The following OTOG variants were observed in gnomAD, a reference collection of about 807,000 sequenced individuals.
The protein encoded by OTOG is otogelin.
Under a neutral mutation model 313.8 loss-of-function variants are expected in OTOG, and 296 were observed. That is an observed-to-expected ratio of 0.94 (90% confidence interval 0.86 to 1.04). The LOEUF is 1.04. OTOG is among the 50% of genes least tolerant of loss of function. OTOG has a pLI of 0.00. For missense variants in OTOG, 3,948 were observed against 3,840.1 expected (o/e 1.03, Z -0.74); for synonymous variants, 1,533 against 1,554.9 (o/e 0.99, Z 0.33).
chr11:17,575,486 G>T (rs1176495872), intron 20 of OTOG, among the ~76,000 whole-genome samples: 1 of 152,154 alleles, frequency 6.6e-6, no homozygotes, highest in East Asian at 1.9e-4. Flanking sequence ...GAGGAAGGGG[G>T]CTCCAGGAAG....
chr11:17,640,611 G>T, intron 49 of OTOG, 134 bp from the exon 50 acceptor site: 1 of 926,266 alleles, frequency 1.1e-6, no homozygotes, highest in Admixed American at 2.6e-5. Context: ...CTGCTGAGGG[G>T]CCCCAGGCCT....
At chr11:17,561,860 C>T (rs1422904936) in intron 15 of OTOG, 53 bp downstream of exon 15, 3 of 1,543,200 alleles carry the variant, frequency 1.9e-6, no homozygotes, top group East Asian at 4.9e-5. Flanking sequence ...CTGCCTACTG[C>T]CCCCAAGAGA....
chr11:17,605,654 C>T (rs558704191), intron 32 of OTOG, among the ~76,000 whole-genome samples: 2 of 152,184 alleles, frequency 1.3e-5, no homozygotes, highest in Admixed American at 6.5e-5. Context: ...TAAGCCTCCG[C>T]TCGCCCTCAG....
intron 4 of OTOG, among the ~76,000 whole-genome samples, chr11:17,552,639 G>T (rs1040200091): frequency 5.2e-5 from 2 of 38,274 alleles, no homozygotes; most frequent in East Asian, 5.7e-4. Flanking sequence ...TCCTTTCCTC[G>T]CTGCCCTCTG....
intron 5 of OTOG, 57 bp downstream of exon 5, chr11:17,553,268 G>T: frequency 2.6e-6 from 4 of 1,535,518 alleles, no homozygotes; most frequent in South Asian, 1.2e-5. Flanking sequence ...GGAAAGCTAG[G>T]GAGAAAGGGA....
chr11:17,551,336 C>A (rs749486629), intron 3 of OTOG, among the ~76,000 whole-genome samples: 1 of 152,096 alleles, frequency 6.6e-6, no homozygotes, highest in African/African-American at 2.4e-5. Flanking sequence ...TGATTTCAGG[C>A]GGTTTATGTC....
chr11:17,619,849 C>T (rs1004993624), intron 39 of OTOG, among the ~76,000 whole-genome samples: 1 of 152,022 alleles, frequency 6.6e-6, no homozygotes, highest in Non-Finnish European at 1.5e-5. Context: ...GCTTTTTATT[C>T]CTTTGTGTAA....
At chr11:17,586,657 A>C in intron 24 of OTOG, 76 bp downstream of exon 24, 1 of 663,376 alleles carries the variant, frequency 1.5e-6, no homozygotes, top group East Asian at 3.4e-5. Context: ...TCAAGAGTAT[A>C]GTCTAGCATT....
In OTOG at chr11:17,557,134, G is replaced by T. The variant is rs564538415; in HGVS notation, c.676G>T (p.Val226Phe). Residue 226 changes from valine to phenylalanine, a missense_variant, in exon 8 of 56, where the codon GTC (valine) becomes TTC (phenylalanine). Physicochemically the swap from Val to Phe is conservative, Grantham distance 50 (BLOSUM62 -1). Coordinates refer to ENST00000399397, the MANE Select transcript of OTOG (RefSeq NM_001292063.2). ...HGGMRVQLPH[V>F]MGSARLQQLA... The stretch of plus-strand genomic sequence containing the variant: ...GCCCTGCAGGGTCCAACTGCCACAT[G>T]TCATGGGGAGCGCGCGTCTGCAGCA... 3 of 1,550,306 alleles carry T rather than the reference G, an allele frequency of 1.9e-6. No individual in the cohort carries two copies. The African/African-American group carries it at 4.1e-5, about 21-fold the overall frequency.
chr11:17,612,910 G>A, intron 38 of OTOG, 145 bp downstream of exon 38: 8 of 1,022,678 alleles, frequency 7.8e-6, no homozygotes, highest in Non-Finnish European at 9.6e-6. Context: ...GAATGGGCAG[G>A]GCCTCCCAGG....
At chr11:17,574,990 C>G in intron 20 of OTOG, 78 bp downstream of exon 20, 1 of 1,337,062 alleles carries the variant, frequency 7.5e-7, no homozygotes, top group Non-Finnish European at 9.9e-7. Context: ...GACTGGGGAA[C>G]CTGGCTGGGC....
At chr11:17,590,544 C>A (rs1397874926) in intron 24 of OTOG, among the ~76,000 whole-genome samples, 1 of 152,248 alleles carries the variant, frequency 6.6e-6, no homozygotes, top group Non-Finnish European at 1.5e-5. Flanking sequence ...TTCTGCTTCC[C>A]CTTGACCGCC....
At chr11:17,599,258 G>A (rs1334718528) in intron 30 of OTOG, among the ~76,000 whole-genome samples, 3 of 152,076 alleles carry the variant, frequency 2.0e-5, no homozygotes, top group Admixed American at 6.5e-5. Context: ...TCCCACCGAA[G>A]GCTCTTGGAA....
At chr11:17,573,903 A>ATTC (rs939684394) in intron 19 of OTOG, among the ~76,000 whole-genome samples, 1 of 152,184 alleles carries the variant, frequency 6.6e-6, no homozygotes, top group African/African-American at 2.4e-5. Context: ...CAGGGCCCTG[A>ATTC]TTCTCTCTGA....
At chr11:17,549,523 A>G (rs1851888024) in intron 3 of OTOG, among the ~76,000 whole-genome samples, 1 of 152,162 alleles carries the variant, frequency 6.6e-6, no homozygotes, top group Non-Finnish European at 1.5e-5. Context: ...AAGGTATTGG[A>G]GTCATTTTTT....
At chr11:17,594,293 T>A in intron 28 of OTOG, 127 bp downstream of exon 28, 1 of 1,198,792 alleles carries the variant, frequency 8.3e-7, no homozygotes, top group Non-Finnish European at 1.2e-6. Flanking sequence ...TCTCTCAGCC[T>A]CTGACTGCAT....
chr11:17,565,003 A>G (rs1590003099), intron 15 of OTOG, among the ~76,000 whole-genome samples: 1 of 152,332 alleles, frequency 6.6e-6, no homozygotes, highest in Non-Finnish European at 1.5e-5. Flanking sequence ...TATTGCAAAG[A>G]TAGTACCTAG....
chr11:17,576,783 G>T, intron 21 of OTOG, 85 bp from the exon 22 acceptor site: 2 of 1,512,538 alleles, frequency 1.3e-6, no homozygotes, highest in East Asian at 2.5e-5. Context: ...TCTGAACTCT[G>T]CAGTGACCCG....
intron 33 of OTOG, among the ~76,000 whole-genome samples, chr11:17,607,955 C>T (rs545911405): frequency 6.6e-6 from 1 of 152,260 alleles, no homozygotes; most frequent in African/African-American, 2.4e-5. Flanking sequence ...CAGGGCATCC[C>T]AAGGGAGAGA....
Sources: allele counts gnomAD v4.1 joint callset (sites outside exome capture counted in the v4.1 genomes callset), GRCh38; gene constraint gnomAD v4.1.1; transcripts MANE v1.5; gene names NCBI Gene and HGNC (gene_info 2026-07-23, HGNC 2026-07-21).